Variants in RFTN1 observed in about 807,000 individuals in gnomAD.
RFTN1 encodes the protein raftlin, lipid raft linker 1.
RFTN1 carries 26 observed loss-of-function variants against 46.5 expected under a neutral mutation model. That is an observed-to-expected ratio of 0.56 (90% CI 0.41 to 0.78). The LOEUF (loss-of-function observed/expected upper bound fraction) is 0.78. Ranked by LOEUF, RFTN1 falls within the 30% of genes least tolerant of loss-of-function variation. The pLI, the probability that RFTN1 is intolerant of heterozygous loss-of-function variation, is 0.00. For missense variants in RFTN1, 693 were observed against 718.7 expected (o/e 0.96, Z 0.41); for synonymous variants, 261 against 284.2 (o/e 0.92, Z 0.82).
At chr3:16,414,029 C>T (rs956079716) in intron 3 of RFTN1, among the ~76,000 whole-genome samples, 20 of 152,306 alleles carry the variant, frequency 1.3e-4, no homozygotes, top group Non-Finnish European at 2.1e-4. Flanking sequence ...CTCAACAAAT[C>T]CTACCTGCTA....
Position 16,418,677 on chromosome 3 carries a change from AT to A in RFTN1, c.333-9195del, listed in dbSNP as rs10610054. Among the ~76,000 whole-genome samples, 56,092 of 148,936 alleles carry A rather than the reference AT, an allele frequency of 0.38. 10,349 individuals are homozygous for A. The highest frequency in any genetic ancestry group is 0.4 in the Middle Eastern group (115 of 288). ...TCAAATAGAATAATCAGAACAGCTT[AT>A]TTTTTTTTTTTTAAAGAAGTATTAG... On this transcript the variant is annotated intron_variant, in intron 3 of 9. Transcript: ENST00000334133. The surrounding 1 kb of genome is among the most constrained non-coding windows in gnomAD (Gnocchi z 5.0).
intron 4 of RFTN1, among the ~76,000 whole-genome samples, chr3:16,394,616 A>G (rs1362111760): frequency 6.6e-6 from 1 of 152,074 alleles, no homozygotes; most frequent in East Asian, 1.9e-4. Flanking sequence ...TGCTCTATTA[A>G]TATTTCTTGA....
chr3:16,329,884 T>G lies in RFTN1; in HGVS notation c.1147-3008A>C, dbSNP rs1400874933. On this transcript the variant is annotated intron_variant, in intron 7 of 9. Coordinates refer to ENST00000334133, the MANE Select transcript of RFTN1 (RefSeq NM_015150.2). This position sits in a 1 kb window ranked among gnomAD's most constrained non-coding sequence, Gnocchi z 4.5. The stretch of plus-strand genomic sequence containing the variant: ...TGGAGTCCTTTTATTGGTGGCTGCA[T>G]CTCGGGCCAGGTTTTCTCTGCGGGC... Among the ~76,000 whole-genome samples, 1 of 152,126 alleles carries G rather than the reference T, an allele frequency of 6.6e-6. No individual in the cohort carries two copies. Among genetic ancestry groups the G allele is most frequent in the African/African-American group, 2.4e-5 (1 of 41,416 alleles).
chr3:16,376,412 G>A lies in RFTN1; in HGVS notation c.826+1306C>T, dbSNP rs1265479864. Among the ~76,000 whole-genome samples the A allele has an allele frequency of 1.3e-5, 2 of 152,032 alleles. No individual in the cohort carries two copies. The highest frequency in any genetic ancestry group is 1.9e-4 in the East Asian group (1 of 5,174). On this transcript the variant is annotated intron_variant, in intron 5 of 9. Coordinates refer to ENST00000334133, the MANE Select transcript of RFTN1 (RefSeq NM_015150.2). This position sits in a 1 kb window ranked among gnomAD's most constrained non-coding sequence, Gnocchi z 4.7. ...GGGGCCTCTGCCTGGCCTGACTCTC[G>A]CCCTCCCACAGTCCTGGACCGTACA...
At chr3:16,343,204 C>A (rs977681476) in intron 7 of RFTN1, among the ~76,000 whole-genome samples, 2 of 152,130 alleles carry the variant, frequency 1.3e-5, no homozygotes, top group Non-Finnish European at 2.9e-5. Context: ...GGAACCACTG[C>A]GCTAGTCCTT....
rs910983803 is a variant in RFTN1 at position 16,446,969 on chromosome 3, G to A, written c.146-12932C>T. Reference sequence around the variant, plus strand: ...CTATTGGAAATCATAAAGACCACGTGTAAGACTAGTTTCAAGAGGCTTATG... The same window carrying A: ...CTATTGGAAATCATAAAGACCACGTATAAGACTAGTTTCAAGAGGCTTATG... On this transcript the variant is annotated intron_variant, in intron 2 of 9. Transcript: ENST00000334133. The surrounding 1 kb of genome is among the most constrained non-coding windows in gnomAD (Gnocchi z 4.5). Among the ~76,000 whole-genome samples the A allele has an allele frequency of 1.3e-4, 20 of 152,190 alleles. No homozygotes were observed. Among genetic ancestry groups the A allele is most frequent in the African/African-American group, 4.8e-4 (20 of 41,450 alleles).
rs138057589 is a variant in RFTN1 at position 16,426,664 on chromosome 3, T to TGTGTGTGC, written c.332+7186_332+7187insGCACACAC. 6.8e-6 allele frequency among the ~76,000 whole-genome samples: 1 copy of TGTGTGTGC among 146,304 alleles called. No homozygotes were observed. Among genetic ancestry groups the TGTGTGTGC allele is most frequent in the African/African-American group, 2.5e-5 (1 of 40,544 alleles). ...TTATTTTGGCAATGAAAGGATCGTG[T>TGTGTGTGC]GTGTGTGTGTGTGTGTGTGTGTGTG... On this transcript the variant is annotated intron_variant, in intron 3 of 9. Transcript: ENST00000334133. This position sits in a 1 kb window ranked among gnomAD's most constrained non-coding sequence, Gnocchi z 5.9.
rs1388363397 is a variant in RFTN1 at position 16,440,693 on chromosome 3, G to C, written c.146-6656C>G. On this transcript the variant is annotated intron_variant, in intron 2 of 9. Transcript: ENST00000334133. The surrounding 1 kb of genome is among the most constrained non-coding windows in gnomAD (Gnocchi z 4.6). ...ACAAGATGGTTACTGCTAATGGGGG[G>C]GGGGCCCAATGGTGCCAGAACTTCT... Among the ~76,000 whole-genome samples, 2 of 151,978 alleles carry C rather than the reference G, an allele frequency of 1.3e-5. No homozygotes were observed. The highest frequency in any genetic ancestry group is 2.4e-5 in the African/African-American group (1 of 41,278).
In RFTN1 at chr3:16,387,840, C is replaced by T. The variant is rs2074242272; in HGVS notation, c.442-9738G>A. Among the ~76,000 whole-genome samples, 1 of 151,944 alleles carries T rather than the reference C, an allele frequency of 6.6e-6. No homozygotes were observed. Among genetic ancestry groups the T allele is most frequent in the South Asian group, 2.1e-4 (1 of 4,826 alleles). ...CGCCAAATCCCACAGGCTTTTTAGC[C>T]CTCACCACCCCATCCTCTCTGGTAG... is the stretch of plus-strand genomic sequence containing the variant. On this transcript the variant is annotated intron_variant, in intron 4 of 9. Transcript: ENST00000334133. This position sits in a 1 kb window ranked among gnomAD's most constrained non-coding sequence, Gnocchi z 5.2.
chr3:16,371,503 C>G (rs1198563714), intron 5 of RFTN1, among the ~76,000 whole-genome samples: 1 of 152,234 alleles, frequency 6.6e-6, no homozygotes, highest in Non-Finnish European at 1.5e-5. Context: ...CACATTAACA[C>G]CAAATATGTT....
intron 4 of RFTN1, among the ~76,000 whole-genome samples, chr3:16,379,700 TAAAA>T (rs146569165): frequency 1.3e-5 from 2 of 151,812 alleles, no homozygotes; most frequent in Non-Finnish European, 2.9e-5. Context: ...CTTCAAAAGT[TAAAA>T]AAAACAAAAG....
chr3:16,419,836 C>T (rs907124968), intron 3 of RFTN1, among the ~76,000 whole-genome samples: 9 of 152,114 alleles, frequency 5.9e-5, no homozygotes, highest in Non-Finnish European at 1.0e-4. Context: ...TCCTTTCTTC[C>T]GATGTTCCCT....
chr3:16,467,408 C>G (rs572827393), intron 2 of RFTN1, among the ~76,000 whole-genome samples: 1 of 152,196 alleles, frequency 6.6e-6, no homozygotes, highest in African/African-American at 2.4e-5. Flanking sequence ...CAGTGCCATC[C>G]ACAACATTCC....
At position 16,351,519 on chromosome 3, in the gene RFTN1, G is replaced by T. The variant is rs1359566792; in HGVS notation, c.1146+6413C>A. On this transcript the variant is annotated intron_variant, in intron 7 of 9. Coordinates refer to ENST00000334133, the MANE Select transcript of RFTN1 (RefSeq NM_015150.2). This position sits in a 1 kb window ranked among gnomAD's most constrained non-coding sequence, Gnocchi z 5.4. ...CAGAGCCTCATGACAAAGTCTGCGG[G>T]GTTGCAGAGGCTGTAATGATACCCT... 3.3e-5 allele frequency among the ~76,000 whole-genome samples: 5 copies of T among 152,162 alleles called. No homozygotes were observed. The highest frequency in any genetic ancestry group is 3.3e-4 in the Admixed American group (5 of 15,276).
At chr3:16,416,424 A>G (rs2075080601) in intron 3 of RFTN1, among the ~76,000 whole-genome samples, 1 of 152,250 alleles carries the variant, frequency 6.6e-6, no homozygotes, top group African/African-American at 2.4e-5. Context: ...GAACTGAAAA[A>G]GGACATTAAT....
In RFTN1 at chr3:16,377,831, C is replaced by A; in HGVS notation, c.713G>T (p.Ser238Ile). 1 of 1,614,146 alleles carries A rather than the reference C, an allele frequency of 6.2e-7. No homozygotes were observed. The highest frequency in any genetic ancestry group is 8.5e-7 in the Non-Finnish European group (1 of 1,179,980). Residue 238 changes from serine (S) to isoleucine (I), a missense_variant, in exon 5 of 10, where the codon AGC (serine) becomes ATC (isoleucine). By Grantham distance (142) the Ser-to-Ile change is moderately radical. Transcript: ENST00000334133. Reference sequence around the variant, plus strand: ...ACCATCTCCCTCTCCGGAGGGTGAGCTGGGCTGCTTGGCGAGGGGCACCTC... The same window carrying A: ...ACCATCTCCCTCTCCGGAGGGTGAGATGGGCTGCTTGGCGAGGGGCACCTC... The part of the protein sequence containing the change: ...RGEVPLAKQP[S>I]SPSGEGDGGE...
At position 16,323,094 on chromosome 3, in the gene RFTN1, C is replaced by G. The variant is rs181648193; in HGVS notation, c.1332+282G>C. Among the ~76,000 whole-genome samples the G allele has an allele frequency of 2.3e-3, 346 of 152,284 alleles. 3 individuals carry two copies. The highest frequency in any genetic ancestry group is 8.1e-3 in the African/African-American group (338 of 41,558). The stretch of plus-strand genomic sequence containing the variant: ...GCTGACTTCGTGCCCTTCTTTTCAT[C>G]CTAGTGGGAATATCTAGCAGGCTGA... On this transcript the variant is annotated intron_variant, in intron 9 of 9. Coordinates refer to ENST00000334133, the MANE Select transcript of RFTN1 (RefSeq NM_015150.2).
At chr3:16,470,253 C>T (rs2124946658) in intron 2 of RFTN1, among the ~76,000 whole-genome samples, 1 of 152,138 alleles carries the variant, frequency 6.6e-6, no homozygotes, top group South Asian at 2.1e-4. Context: ...CACACACATA[C>T]AGACATAAAA....
In RFTN1 at chr3:16,460,840, C is replaced by A. The variant is rs189727028; in HGVS notation, c.146-26803G>T. On this transcript the variant is annotated intron_variant, in intron 2 of 9. Transcript: ENST00000334133. This position sits in a 1 kb window ranked among gnomAD's most constrained non-coding sequence, Gnocchi z 4.8. ...CACCACAGCTGTGAAGTGGCCCACT[C>A]TCTCCCACCTACCCACCCCAGAATT... Among the ~76,000 whole-genome samples the A allele has an allele frequency of 2.6e-4, 39 of 152,346 alleles. No homozygotes were observed. In the East Asian group the frequency reaches 5.4e-3, roughly 21 times the overall value.
Sources: allele counts gnomAD v4.1 joint callset (sites outside exome capture counted in the v4.1 genomes callset), GRCh38; gene constraint gnomAD v4.1.1; non-coding constraint Gnocchi (gnomAD v3.1); transcripts MANE v1.5; gene names NCBI Gene and HGNC (gene_info 2026-07-23, HGNC 2026-07-21).